The following HEMGN variants were observed in gnomAD, a reference collection of about 807,000 sequenced individuals.
HEMGN encodes hemogen, also known as erythroid differentiation-associated gene protein.
HEMGN carries 32 observed loss-of-function variants against 45.7 expected under a neutral mutation model. That is an observed-to-expected ratio of 0.70 (90% confidence interval 0.53 to 0.94). HEMGN has a LOEUF of 0.94. HEMGN is among the 40% of genes least tolerant of loss of function. HEMGN has a pLI of 0.00. For missense variants in HEMGN, 530 were observed against 564.2 expected (o/e 0.94, Z 0.61); for synonymous variants, 183 against 178.6 (o/e 1.02, Z -0.20).
At chr9:97,942,224 A>G (rs184270995), upstream of HEMGN, among the ~76,000 whole-genome samples, 5 of 150,694 alleles carry the variant, frequency 3.3e-5, no homozygotes, top group Admixed American at 6.6e-5. Flanking sequence ...TGAGACTGGT[A>G]GTTCGCACCA....
rs1587851986 is a variant in HEMGN at position 97,930,563 on chromosome 9, G to C, written c.832C>G (p.Pro278Ala). The change falls in exon 3 of 4, where the codon CCA (proline) becomes GCA (alanine). Residue 278 changes from proline (P) to alanine (A), a missense_variant. By Grantham distance (27) the Pro-to-Ala change is conservative (BLOSUM62 -1). Coordinates refer to ENST00000616898, the MANE Select transcript of HEMGN (RefSeq NM_197978.3). The stretch of plus-strand genomic sequence containing the variant: ...TCATTGTATTCCTCTGGTTCTGCTG[G>C]ATTTTGGTCTGTGTCAAGAATATAG... ...KGYILDTDQN[P>A]AEPEEYNETD... is the part of the protein sequence containing the mutation. The C allele has an allele frequency of 1.9e-6, 3 of 1,614,118 alleles. No individual in the cohort carries two copies. Among genetic ancestry groups the C allele is most frequent in the African/African-American group, 2.7e-5 (2 of 75,032 alleles).
At chr9:97,939,348 C>A (rs1022064995), upstream of HEMGN, among the ~76,000 whole-genome samples, 2 of 152,008 alleles carry the variant, frequency 1.3e-5, no homozygotes, top group African/African-American at 4.8e-5. Context: ...TGTTAGCTAC[C>A]AATAAAAATA....
Position 97,930,432 on chromosome 9 carries a change from A to G in HEMGN, c.963T>C (p.Pro321=). The change falls in exon 3 of 4, where the codon CCT becomes CCC. Residue 321 remains proline (P), a synonymous_variant. Transcript: ENST00000616898. ...TACATGTTTTATGAGGAAGGTATTT[A>G]GGTTCAGCTGATTCTTGGTGTGTTT... is the stretch of plus-strand genomic sequence containing the variant. ...STKTHQESAE[P]KYLPHKTCNE... is the part of the protein sequence containing the mutation. The G allele has an allele frequency of 6.2e-7, 1 of 1,614,146 alleles. No individual in the cohort carries two copies. The highest frequency in any genetic ancestry group is 8.5e-7 in the Non-Finnish European group (1 of 1,180,008).
At chr9:97,927,791 G>T (rs112748972) in intron 3 of HEMGN, among the ~76,000 whole-genome samples, 26 of 152,072 alleles carry the variant, frequency 1.7e-4, no homozygotes, top group African/African-American at 6.3e-4. Flanking sequence ...AAAAATATTT[G>T]CAACATATAC....
At chr9:97,939,879 G>A (rs1307509670), upstream of HEMGN, among the ~76,000 whole-genome samples, 85 of 152,166 alleles carry the variant, frequency 5.6e-4, no homozygotes, top group Non-Finnish European at 7.4e-5. Context: ...ACTTCAGGGA[G>A]CCCCTGCTCA....
At position 97,931,159 on chromosome 9, in the gene HEMGN, T is replaced by C. The variant is rs201982775; in HGVS notation, c.236A>G (p.Gln79Arg). Residue 79 changes from glutamine (Q) to arginine (R), a missense_variant, in exon 3 of 4, where the codon CAA (glutamine) becomes CGA (arginine). Gln to Arg is a conservative substitution (Grantham distance 43). Transcript: ENST00000616898. The stretch of plus-strand genomic sequence containing the variant: ...CTCCACCTTCAATTCTGTGTTTTGT[T>C]GTCTCTTTCTGCCTCTTCGATTTCC... ...GKGNRRGRKRQQNTELKVEPQ... is the reference protein window; with the variant it reads ...GKGNRRGRKRRQNTELKVEPQ... The C allele has an allele frequency of 9.9e-6, 16 of 1,613,798 alleles. 1 individual carries two copies. Among genetic ancestry groups the C allele is most frequent in the Non-Finnish European group, 8.5e-6 (10 of 1,179,984 alleles).
At chr9:97,942,460 T>C (rs539292088), upstream of HEMGN, among the ~76,000 whole-genome samples, 15 of 150,556 alleles carry the variant, frequency 1.0e-4, no homozygotes, top group Non-Finnish European at 2.1e-4. Flanking sequence ...ATTTTTTGTA[T>C]TTTTTTTGTA....
intron 2 of HEMGN, among the ~76,000 whole-genome samples, chr9:97,934,574 G>A (rs936994920): frequency 2.6e-5 from 4 of 151,906 alleles, no homozygotes; most frequent in Non-Finnish European, 1.5e-5. Flanking sequence ...TATGGAATTT[G>A]GGAGCTAATT....
At chr9:97,932,803 C>CAAAAAAA (rs5899328) in intron 2 of HEMGN, among the ~76,000 whole-genome samples, 7 of 87,256 alleles carry the variant, frequency 8.0e-5, no homozygotes, top group African/African-American at 2.0e-4. Context: ...GACTCTGTCT[C>CAAAAAAA]AAAAAAAAAA....
intron 1 of HEMGN, chr9:97,944,657 G>C (rs545562979): frequency 3.9e-5 from 6 of 152,142 alleles, no homozygotes; most frequent in Non-Finnish European, 8.8e-5. Context: ...AGTATTGCCT[G>C]CAGAATAAAG....
intron 1 of HEMGN, 28 bp downstream of exon 1, chr9:97,938,030 C>T: frequency 7.1e-7 from 1 of 1,415,662 alleles, no homozygotes; most frequent in South Asian, 1.2e-5. Context: ...TCTCAACAGC[C>T]ACCAGCTCTT....
chr9:97,940,401 G>A (rs1827134996), upstream of HEMGN, among the ~76,000 whole-genome samples: 1 of 152,116 alleles, frequency 6.6e-6, no homozygotes, highest in African/African-American at 2.4e-5. Context: ...GTAAGAGGGT[G>A]GGGTTTCAAG....
upstream of HEMGN, among the ~76,000 whole-genome samples, chr9:97,938,841 T>G (rs905047119): frequency 6.6e-6 from 1 of 152,250 alleles, no homozygotes; most frequent in East Asian, 1.9e-4. Context: ...TGTACCCTTT[T>G]TGGCTCACCA....
intron 2 of HEMGN, among the ~76,000 whole-genome samples, 171 bp downstream of exon 2, chr9:97,936,000 G>A (rs1028031781): frequency 6.6e-6 from 1 of 152,224 alleles, no homozygotes; most frequent in African/African-American, 2.4e-5. Flanking sequence ...GGCAAGAGGT[G>A]TAACTCACTG....
At chr9:97,931,280 G>A (rs1254716454) in intron 2 of HEMGN, 59 bp from the exon 3 acceptor site, 1 of 1,314,886 alleles carries the variant, frequency 7.6e-7, no homozygotes. Context: ...ATAAATGCTT[G>A]TAATAACAGT....
In HEMGN at chr9:97,930,289, T is replaced by C; in HGVS notation, c.1106A>G (p.Glu369Gly). 6.2e-7 allele frequency: 1 copy of C among 1,614,168 alleles called. No homozygotes were observed. The highest frequency in any genetic ancestry group is 1.1e-5 in the South Asian group (1 of 91,084). ...AAGCCCAGGTATTTCTTGATACGTTTCAGGTGAATATTTTTCAGACCCAGG... is the reference window on the plus strand; with the variant it reads ...AAGCCCAGGTATTTCTTGATACGTTCCAGGTGAATATTTTTCAGACCCAGG... ...ETPGSEKYSPETYQEIPGLEE... is the reference protein window; with the variant it reads ...ETPGSEKYSPGTYQEIPGLEE... The change falls in exon 3 of 4, where the codon GAA becomes GGA. Residue 369 changes from glutamate (E) to glycine (G), a missense_variant. Coordinates refer to ENST00000616898, the MANE Select transcript of HEMGN (RefSeq NM_197978.3).
At chr9:97,944,275 C>T (rs918846437) in intron 1 of HEMGN, among the ~76,000 whole-genome samples, 2 of 152,194 alleles carry the variant, frequency 1.3e-5, no homozygotes, top group African/African-American at 4.8e-5. Flanking sequence ...TATGTTCCCC[C>T]CTAAAACTAG....
rs375866801 is a variant in HEMGN at position 97,927,402 on chromosome 9, A to G, written c.1437T>C (p.Tyr479=). The change falls in exon 4 of 4, where the codon TAT becomes TAC. Residue 479 remains tyrosine, a synonymous_variant. Transcript: ENST00000616898. ...LNESHPENDV[Y]SYVLF The stretch of plus-strand genomic sequence containing the variant: ...AGCATTGTTAAAACAAAACATAACT[A>G]TAGACATCATTTTCTGGATGACTCT... 1.3e-4 allele frequency: 207 copies of G among 1,603,580 alleles called. 1 individual carries two copies. In the South Asian group the frequency reaches 1.5e-3, roughly 12 times the overall value.
upstream of HEMGN, among the ~76,000 whole-genome samples, chr9:97,939,031 C>A (rs920651309): frequency 2.0e-5 from 3 of 152,200 alleles, no homozygotes; most frequent in Non-Finnish European, 2.9e-5. Context: ...CAAGGAGCCA[C>A]AGACTACTAT....
Sources: allele counts gnomAD v4.1 joint callset (sites outside exome capture counted in the v4.1 genomes callset), GRCh38; gene constraint gnomAD v4.1.1; transcripts MANE v1.5; gene names NCBI Gene and HGNC (gene_info 2026-07-23, HGNC 2026-07-21).